Variants in MTUS1 observed in about 807,000 individuals in gnomAD.
MTUS1 encodes microtubule-associated tumor suppressor 1.
Under a neutral mutation model 120.8 loss-of-function variants are expected in MTUS1, and 109 were observed. That is an observed-to-expected ratio of 0.90 (90% CI 0.77 to 1.06). MTUS1 has a LOEUF of 1.06. Among genes scored for constraint, MTUS1 ranks in the 50% least tolerant of loss-of-function variants. The pLI, the probability that MTUS1 is intolerant of heterozygous loss-of-function variation, is 0.00. For missense variants in MTUS1, 2,210 were observed against 1,486.3 expected (o/e 1.49, Z -8.01); for synonymous variants, 737 against 550.5 (o/e 1.34, Z -4.74).
chr8:17,682,610 C>T (rs1814802888), intron 7 of MTUS1, among the ~76,000 whole-genome samples: 1 of 150,076 alleles, frequency 6.7e-6, no homozygotes, highest in Admixed American at 6.6e-5. Context: ...ACAGCAAAGA[C>T]ATAGGAAGGG....
chr8:17,729,480 G>C (rs533991044), intron 3 of MTUS1, among the ~76,000 whole-genome samples: 3 of 152,150 alleles, frequency 2.0e-5, no homozygotes, highest in South Asian at 2.1e-4. Context: ...AACAGAAAAA[G>C]AAATCCCTTA....
chr8:17,681,229 C>T lies in MTUS1; in HGVS notation c.2838+3099G>A, dbSNP rs754507194. On this transcript the variant is annotated intron_variant, in intron 7 of 14. Transcript: ENST00000693296. Reference sequence around the variant, plus strand: ...GATTACAGGTGTGAGCCACAGCGCCCGGCCTGCATTTTTCTTCCTTCAGTT... The same window carrying T: ...GATTACAGGTGTGAGCCACAGCGCCTGGCCTGCATTTTTCTTCCTTCAGTT... Among the ~76,000 whole-genome samples, 36 of 152,138 alleles carry T rather than the reference C, an allele frequency of 2.4e-4. 1 individual carries two copies. The highest frequency in any genetic ancestry group is 1.0e-4 in the Non-Finnish European group (7 of 68,028).
chr8:17,710,757 T>C lies in MTUS1; in HGVS notation c.2623+2457A>G, dbSNP rs536788325. On this transcript the variant is annotated intron_variant, in intron 6 of 14. Transcript: ENST00000693296. ...CAGAGGAATCAGTATCTAGGGCAGCTACAGTCTTACACAATGTACTTCTTA... is the reference window on the plus strand; with the variant it reads ...CAGAGGAATCAGTATCTAGGGCAGCCACAGTCTTACACAATGTACTTCTTA... Among the ~76,000 whole-genome samples the C allele has an allele frequency of 4.8e-4, 73 of 152,320 alleles. No individual in the cohort carries two copies. The Middle Eastern group carries it at 0.017, about 35-fold the overall frequency.
chr8:17,739,383 C>T lies in MTUS1; in HGVS notation c.2287+4221G>A, dbSNP rs556912271. On this transcript the variant is annotated intron_variant, in intron 3 of 14. Transcript: ENST00000693296. ...TGGTTCATGCCTGTAATCCCAGCTA[C>T]TCGGGAGGCTGAGGCAGGAGAATTG... is the stretch of plus-strand genomic sequence containing the variant. Among the ~76,000 whole-genome samples, 8 of 152,020 alleles carry T rather than the reference C, an allele frequency of 5.3e-5. No individual in the cohort carries two copies. The East Asian group carries it at 1.6e-3, about 30-fold the overall frequency.
intron 2 of MTUS1, among the ~76,000 whole-genome samples, chr8:17,749,688 A>G (rs1466949991): frequency 6.6e-6 from 1 of 151,850 alleles, no homozygotes; most frequent in Non-Finnish European, 1.5e-5. Context: ...AGAAAGAAAA[A>G]GAAAGAAAAT....
At chr8:17,766,622 G>A (rs1475508340) in intron 1 of MTUS1, among the ~76,000 whole-genome samples, 1 of 152,218 alleles carries the variant, frequency 6.6e-6, no homozygotes, top group African/African-American at 2.4e-5. Context: ...TAGAACGCAT[G>A]GCAGGAGCCT....
chr8:17,651,574 T>C (rs1304470851), intron 12 of MTUS1: 3 of 151,968 alleles, frequency 2.0e-5, no homozygotes, highest in African/African-American at 7.3e-5. Flanking sequence ...CCTACCTCAT[T>C]TTTGTTAGAG....
At chr8:17,683,732 T>C (rs1056808203) in intron 7 of MTUS1, among the ~76,000 whole-genome samples, 1 of 152,230 alleles carries the variant, frequency 6.6e-6, no homozygotes, top group African/African-American at 2.4e-5. Context: ...GTCAGTAACA[T>C]GTTGATATAA....
chr8:17,649,408 T>C (rs1806505496), intron 13 of MTUS1, among the ~76,000 whole-genome samples: 1 of 152,246 alleles, frequency 6.6e-6, no homozygotes, highest in Admixed American at 6.5e-5. Flanking sequence ...TGAAGAATTT[T>C]GATAAATAGT....
At chr8:17,785,317 G>A (rs2410492) in intron 1 of MTUS1, among the ~76,000 whole-genome samples, 110,901 of 152,086 alleles carry the variant, frequency 0.73, 42,028 homozygotes, top group Non-Finnish European at 0.85. Context: ...AGGCTCCACT[G>A]TTACAGATAT....
chr8:17,769,629 G>A (rs550790918), intron 1 of MTUS1, among the ~76,000 whole-genome samples: 2 of 152,044 alleles, frequency 1.3e-5, no homozygotes, highest in Non-Finnish European at 2.9e-5. Context: ...TTACAGGCGT[G>A]AGCCACCCGC....
intron 3 of MTUS1, chr8:17,724,262 A>T: frequency 3.4e-6 from 1 of 295,600 alleles, no homozygotes; most frequent in Non-Finnish European, 6.6e-6. Context: ...AGAAATAAAT[A>T]AGAACCAAGT....
At chr8:17,694,757 G>A (rs1362227454) in intron 6 of MTUS1, among the ~76,000 whole-genome samples, 1 of 152,130 alleles carries the variant, frequency 6.6e-6, no homozygotes, top group East Asian at 1.9e-4. Context: ...TAATTCATGA[G>A]TATTAACTGA....
At chr8:17,779,592 C>T (rs1339782472) in intron 1 of MTUS1, among the ~76,000 whole-genome samples, 2 of 152,160 alleles carry the variant, frequency 1.3e-5, no homozygotes, top group Non-Finnish European at 2.9e-5. Flanking sequence ...CTCTCTCTCA[C>T]CAAAAATTGG....
chr8:17,792,016 T>G (rs1034861751), intron 1 of MTUS1, among the ~76,000 whole-genome samples: 1 of 152,164 alleles, frequency 6.6e-6, no homozygotes, highest in Non-Finnish European at 1.5e-5. Context: ...CAAGGTCACA[T>G]GGCTAATAGG....
At chr8:17,675,282 G>C in intron 7 of MTUS1, 30 bp from the exon 8 acceptor site, 5 of 1,606,224 alleles carry the variant, frequency 3.1e-6, no homozygotes, top group Non-Finnish European at 3.4e-6. Context: ...AGTTACTCAT[G>C]CTTTCAAGAG....
At chr8:17,648,531 G>C (rs34354971) in intron 13 of MTUS1, among the ~76,000 whole-genome samples, 7 of 152,184 alleles carry the variant, frequency 4.6e-5, no homozygotes, top group Non-Finnish European at 7.3e-5. Flanking sequence ...CAGTCGAACA[G>C]GACGACCTTT....
intron 8 of MTUS1, among the ~76,000 whole-genome samples, chr8:17,664,911 T>C (rs1357064341): frequency 6.6e-6 from 1 of 151,874 alleles, no homozygotes; most frequent in Non-Finnish European, 1.5e-5. Flanking sequence ...GGCAGTGGCC[T>C]AAAGAAGAAA....
At chr8:17,690,854 GATAA>G (rs1456926515) in intron 6 of MTUS1, among the ~76,000 whole-genome samples, 2 of 152,002 alleles carry the variant, frequency 1.3e-5, no homozygotes, top group African/African-American at 4.8e-5. Context: ...TATTGCCTAA[GATAA>G]ATACAGAAAT....
Sources: allele counts gnomAD v4.1 joint callset (sites outside exome capture counted in the v4.1 genomes callset), GRCh38; gene constraint gnomAD v4.1.1; transcripts MANE v1.5; gene names NCBI Gene and HGNC (gene_info 2026-07-23, HGNC 2026-07-21).